Variants in CCSER1 observed in about 807,000 individuals in gnomAD.
CCSER1 encodes coiled-coil serine rich protein 1.
CCSER1 carries 41 observed loss-of-function variants against 82.0 expected under a neutral mutation model. The observed-to-expected ratio is 0.50, with a 90% CI of 0.39 to 0.65. The LOEUF is 0.65. Ranked by LOEUF, CCSER1 falls within the 30% of genes least tolerant of loss-of-function variation. The probability of loss-of-function intolerance (pLI) is 0.00; values close to 1 mark genes in which losing one functional copy is unlikely to be tolerated. For missense variants in CCSER1, 1,119 were observed against 1,064.2 expected, an observed-to-expected ratio of 1.05 and a Z score of -0.72; for synonymous variants, 414 against 383.9, an observed-to-expected ratio of 1.08 and a Z score of -0.92.
chr4:90,771,904 G>A (rs1752237317), intron 7 of CCSER1, among the ~76,000 whole-genome samples: 1 of 152,056 alleles, frequency 6.6e-6, no homozygotes, highest in African/African-American at 2.4e-5. Flanking sequence ...GCACTTGGTA[G>A]GAGCTAAAAC....
chr4:90,640,005 A>G (rs1490430957), intron 6 of CCSER1, among the ~76,000 whole-genome samples: 1 of 152,136 alleles, frequency 6.6e-6, no homozygotes, highest in Non-Finnish European at 1.5e-5. Flanking sequence ...GGAGCTAGGA[A>G]GAACACTAAG....
At chr4:91,082,519 A>G (rs1722883338) in intron 9 of CCSER1, among the ~76,000 whole-genome samples, 1 of 152,232 alleles carries the variant, frequency 6.6e-6, no homozygotes, top group Non-Finnish European at 1.5e-5. Context: ...TTGTGACTAA[A>G]ACACCAAAAG....
chr4:90,529,370 C>T (rs1198360301), intron 5 of CCSER1, among the ~76,000 whole-genome samples: 1 of 152,102 alleles, frequency 6.6e-6, no homozygotes, highest in Non-Finnish European at 1.5e-5. Flanking sequence ...GCTGCGACTA[C>T]AGACGCATTT....
chr4:91,376,107 G>A (rs1750391256), intron 10 of CCSER1, among the ~76,000 whole-genome samples: 1 of 152,078 alleles, frequency 6.6e-6, no homozygotes, highest in South Asian at 2.1e-4. Context: ...CTTAAGGGAA[G>A]AGAAAAATAA....
At chr4:91,456,162 T>C (rs886212777) in intron 10 of CCSER1, among the ~76,000 whole-genome samples, 3 of 152,156 alleles carry the variant, frequency 2.0e-5, no homozygotes, top group Admixed American at 1.3e-4. Flanking sequence ...TCCTGTGGGT[T>C]GCAGATTGCT....
intron 6 of CCSER1, 125 bp downstream of exon 6, chr4:90,628,357 T>G (rs1030730700): frequency 4.6e-5 from 31 of 678,244 alleles, no homozygotes; most frequent in Non-Finnish European, 6.9e-5. Flanking sequence ...GGTTTCCTCT[T>G]GGAGCTTAGC....
chr4:91,260,494 C>A (rs1741025039), intron 10 of CCSER1, among the ~76,000 whole-genome samples: 1 of 152,150 alleles, frequency 6.6e-6, no homozygotes, highest in Non-Finnish European at 1.5e-5. Context: ...GATGAAGCAA[C>A]CAAACCATAG....
intron 9 of CCSER1, among the ~76,000 whole-genome samples, chr4:91,062,395 T>C (rs914232891): frequency 2.0e-5 from 3 of 152,122 alleles, no homozygotes; most frequent in African/African-American, 7.2e-5. Flanking sequence ...TGGCTCATTG[T>C]ACAGATTCAC....
chr4:91,160,019 G>A (rs181111192), intron 10 of CCSER1, among the ~76,000 whole-genome samples: 4 of 151,782 alleles, frequency 2.6e-5, no homozygotes, highest in East Asian at 1.9e-4. Context: ...TTTACATTAC[G>A]TATTTCTCCT....
At chr4:90,411,299 A>C (rs1429879513) in intron 4 of CCSER1, among the ~76,000 whole-genome samples, 1 of 152,218 alleles carries the variant, frequency 6.6e-6, no homozygotes, top group Non-Finnish European at 1.5e-5. Flanking sequence ...CCTGATACCA[A>C]AGCCTGGCAG....
At chr4:91,353,834 T>C (rs927537364) in intron 10 of CCSER1, among the ~76,000 whole-genome samples, 2 of 152,222 alleles carry the variant, frequency 1.3e-5, no homozygotes, top group Non-Finnish European at 2.9e-5. Context: ...ATAAGAGTTT[T>C]AAATCCTCCT....
chr4:91,463,693 G>C (rs1756659478), intron 10 of CCSER1, among the ~76,000 whole-genome samples: 1 of 152,078 alleles, frequency 6.6e-6, no homozygotes, highest in African/African-American at 2.4e-5. Context: ...TGGCACGAGA[G>C]CTACGTGATT....
At chr4:91,197,575 G>A (rs1251263735) in intron 10 of CCSER1, among the ~76,000 whole-genome samples, 3 of 152,146 alleles carry the variant, frequency 2.0e-5, no homozygotes, top group Admixed American at 6.6e-5. Flanking sequence ...AACTACAACT[G>A]TACTGCCTTG....
intron 8 of CCSER1, among the ~76,000 whole-genome samples, chr4:90,907,493 CTCATTAATTT>C (rs1168334725): frequency 2.6e-5 from 4 of 152,090 alleles, no homozygotes; most frequent in East Asian, 1.9e-4. Context: ...GATGAATCAC[CTCATTAATTT>C]TCATTAATTT....
Position 91,598,682 on chromosome 4 carries a change from C to A in CCSER1, c.2328C>A (p.Ser776Arg). The A allele has an allele frequency of 6.4e-7, 1 of 1,551,396 alleles. No individual in the cohort carries two copies. The highest frequency in any genetic ancestry group is 8.7e-7 in the Non-Finnish European group (1 of 1,146,908). Residue 776 changes from serine (S) to arginine (R), a missense_variant, in exon 11 of 11, where the codon AGC becomes AGA. By Grantham distance (110) the Ser-to-Arg change is moderately radical. Transcript: ENST00000509176. ...GGTATTCGGCAGCGGACCAGACAAG[C>A]CCCTACAAAAACAAGACCTGTCAAC... is the stretch of plus-strand genomic sequence containing the variant. The part of the protein sequence containing the change: ...RFRYSAADQT[S>R]PYKNKTCQLP...
At chr4:90,711,494 A>C (rs890569993) in intron 6 of CCSER1, among the ~76,000 whole-genome samples, 3 of 151,978 alleles carry the variant, frequency 2.0e-5, no homozygotes, top group African/African-American at 7.2e-5. Flanking sequence ...TATTATTTTG[A>C]GGTATGTTCA....
At chr4:91,369,264 A>G (rs1238323055) in intron 10 of CCSER1, among the ~76,000 whole-genome samples, 1 of 152,196 alleles carries the variant, frequency 6.6e-6, no homozygotes, top group East Asian at 1.9e-4. Flanking sequence ...TTGCTCCTTC[A>G]GCCTCGGCGA....
chr4:90,225,231 A>ATTTTTTTTTTTTTT (rs57188209), intron 1 of CCSER1, among the ~76,000 whole-genome samples: 1 of 111,874 alleles, frequency 8.9e-6, no homozygotes, highest in African/African-American at 3.4e-5. Context: ...TACCCGGCTA[A>ATTTTTTTTTTTTTT]TTTTTTTTTT....
intron 6 of CCSER1, among the ~76,000 whole-genome samples, chr4:90,707,938 CT>C (rs1262421478): frequency 2.0e-5 from 3 of 152,158 alleles, no homozygotes; most frequent in Non-Finnish European, 2.9e-5. Flanking sequence ...CAATATTATC[CT>C]ACCTACTGAA....
Sources: gnomAD v4.1 joint callset for allele counts (sites outside exome capture counted in the v4.1 genomes callset) on GRCh38, gnomAD v4.1.1 for gene constraint, MANE v1.5 for transcripts, NCBI Gene and HGNC (gene_info 2026-07-23, HGNC 2026-07-21) for gene names.